Variants in LPP observed in about 807,000 individuals in gnomAD.
LPP encodes LIM domain containing preferred translocation partner in lipoma.
In LPP, 38 loss-of-function variants were observed where a neutral mutation model predicts 60.4. That is an observed-to-expected ratio of 0.63 (90% CI 0.49 to 0.83). The LOEUF (loss-of-function observed/expected upper bound fraction) is 0.83, where lower values mean the gene tolerates loss of function less well. Ranked by LOEUF, LPP falls within the 40% of genes least tolerant of loss-of-function variation. LPP has a pLI of 0.00. For synonymous variants in LPP, 328 were observed against 290.8 expected, an observed-to-expected ratio of 1.13 and a Z score of -1.30; for missense variants, 902 against 783.6, an observed-to-expected ratio of 1.15 and a Z score of -1.80.
rs73058714 is a variant in LPP, at chr3:188,692,190, C to T, written c.1114-16077C>T. 8.9e-3 allele frequency among the ~76,000 whole-genome samples: 1,352 copies of T among 152,296 alleles called. 29 individuals carry two copies. The highest frequency in any genetic ancestry group is 0.031 in the African/African-American group (1,309 of 41,556). On this transcript the variant is annotated intron_variant, in intron 7 of 11. Coordinates refer to ENST00000617246, the MANE Select transcript of LPP (RefSeq NM_001375462.1). Reference sequence around the variant, plus strand: ...TCATTTTCTTCAGCCTCTATAGAGCCTGCTATGCCAGGGTCCTGGGTAATC... The same window carrying T: ...TCATTTTCTTCAGCCTCTATAGAGCTTGCTATGCCAGGGTCCTGGGTAATC...
intron 4 of LPP, among the ~76,000 whole-genome samples, chr3:188,417,966 C>A (rs568751148): frequency 1.3e-5 from 2 of 152,214 alleles, no homozygotes; most frequent in East Asian, 3.9e-4. Flanking sequence ...CCTGAGAAAA[C>A]AGGAAGCAAT....
chr3:188,367,175 C>A (rs959702546), intron 3 of LPP, among the ~76,000 whole-genome samples: 1 of 151,906 alleles, frequency 6.6e-6, no homozygotes, highest in Non-Finnish European at 1.5e-5. Flanking sequence ...GGATTACAGG[C>A]GTGAGCCACT....
At chr3:188,590,982 T>C (rs928840681) in intron 6 of LPP, among the ~76,000 whole-genome samples, 6 of 152,210 alleles carry the variant, frequency 3.9e-5, no homozygotes, top group African/African-American at 1.2e-4. Context: ...GTGAAATAAA[T>C]ACAGTGGAGC....
At chr3:188,533,480 C>T (rs1219463383) in intron 6 of LPP, among the ~76,000 whole-genome samples, 2 of 152,136 alleles carry the variant, frequency 1.3e-5, no homozygotes, top group African/African-American at 4.8e-5. Context: ...GTGGCATCTT[C>T]CTCCTCCTAT....
intron 3 of LPP, among the ~76,000 whole-genome samples, chr3:188,391,290 C>T (rs1450172658): frequency 6.6e-6 from 1 of 152,186 alleles, no homozygotes; most frequent in Non-Finnish European, 1.5e-5. Context: ...TGTAGCATGC[C>T]TCTTCCCCCT....
In LPP at chr3:188,802,507, G is replaced by A. The variant is rs774801992; in HGVS notation, c.1410+42225G>A. Among the ~76,000 whole-genome samples, 7 of 152,296 alleles carry A rather than the reference G, an allele frequency of 4.6e-5. No individual in the cohort carries two copies. The East Asian group carries it at 9.7e-4, about 21-fold the overall frequency. Reference sequence around the variant, plus strand: ...AAAAAATAATAGCTTTAATGGCTGGGCACGGTGGCTCACGCCTGTAATCCC... The same window carrying A: ...AAAAAATAATAGCTTTAATGGCTGGACACGGTGGCTCACGCCTGTAATCCC... On this transcript the variant is annotated intron_variant, in intron 9 of 11. Transcript: ENST00000617246.
At chr3:188,256,581 A>G (rs914457458) in intron 2 of LPP, among the ~76,000 whole-genome samples, 1 of 152,164 alleles carries the variant, frequency 6.6e-6, no homozygotes, top group South Asian at 2.1e-4. Flanking sequence ...ACATTTTCTG[A>G]AGATAAATTA....
chr3:188,698,754 A>G (rs924110140), intron 7 of LPP, among the ~76,000 whole-genome samples: 4 of 152,124 alleles, frequency 2.6e-5, no homozygotes, highest in Admixed American at 2.0e-4. Flanking sequence ...TTACTTTACT[A>G]TTTGTCTTTT....
At chr3:188,353,223 T>G (rs1413110766) in intron 3 of LPP, among the ~76,000 whole-genome samples, 6 of 152,206 alleles carry the variant, frequency 3.9e-5, no homozygotes, top group Admixed American at 2.0e-4. Flanking sequence ...CTTTCTCCCT[T>G]CCACTTTTTA....
chr3:188,719,749 C>G (rs1024480482), intron 8 of LPP, among the ~76,000 whole-genome samples: 1 of 152,174 alleles, frequency 6.6e-6, no homozygotes, highest in Non-Finnish European at 1.5e-5. Context: ...ATCATTCCCC[C>G]AACCTGCACT....
At chr3:188,253,466 C>G (rs6771603) in intron 2 of LPP, among the ~76,000 whole-genome samples, 145,376 of 152,266 alleles carry the variant, frequency 0.95, 69,478 homozygotes, top group East Asian at 1. Flanking sequence ...TGGTTATCTG[C>G]TGTCTCAACA....
At chr3:188,749,067 A>G (rs369618226) in intron 8 of LPP, among the ~76,000 whole-genome samples, 69 of 152,304 alleles carry the variant, frequency 4.5e-4, no homozygotes, top group African/African-American at 1.6e-3. Context: ...TACTGGTTGC[A>G]ATTGTAATGG....
intron 2 of LPP, among the ~76,000 whole-genome samples, chr3:188,311,204 C>G (rs1272675172): frequency 1.3e-5 from 2 of 151,918 alleles, no homozygotes; most frequent in African/African-American, 2.4e-5. Context: ...CTCTCTCTCT[C>G]TGTCTACTGT....
At chr3:188,191,001 G>T (rs1477141259) in intron 1 of LPP, among the ~76,000 whole-genome samples, 1 of 152,234 alleles carries the variant, frequency 6.6e-6, no homozygotes. Flanking sequence ...GGGGGCCGAG[G>T]CAGGTGGATC....
chr3:188,297,269 C>T (rs927323301), intron 2 of LPP, among the ~76,000 whole-genome samples: 4 of 152,160 alleles, frequency 2.6e-5, no homozygotes, highest in Non-Finnish European at 4.4e-5. Context: ...GCCCCCACTT[C>T]GGAAATAACA....
chr3:188,280,421 G>A (rs779179500), intron 2 of LPP, among the ~76,000 whole-genome samples: 1 of 152,152 alleles, frequency 6.6e-6, no homozygotes, highest in African/African-American at 2.4e-5. Context: ...CATGGACCAC[G>A]AATGCCGCAT....
At chr3:188,291,382 G>A (rs1745874966) in intron 2 of LPP, among the ~76,000 whole-genome samples, 1 of 152,166 alleles carries the variant, frequency 6.6e-6, no homozygotes, top group African/African-American at 2.4e-5. Flanking sequence ...GCTCTCGCCT[G>A]TAATCCCAGC....
chr3:188,406,048 G>T (rs545870937), intron 3 of LPP, 64 bp from the exon 4 acceptor site: 29 of 1,384,484 alleles, frequency 2.1e-5, no homozygotes, highest in Non-Finnish European at 2.9e-5. Flanking sequence ...AAATAGCAAT[G>T]AAATGAGGAG....
Position 188,809,769 on chromosome 3 carries a change from G to A in LPP, c.1410+49487G>A, listed in dbSNP as rs374341963. 4.6e-5 allele frequency among the ~76,000 whole-genome samples: 7 copies of A among 152,252 alleles called. 2 individuals are homozygous for A. ...AAATCTTTGCCCATGCCTATGTCCT[G>A]AATGGTATTGTGTAAGTTTTCTTCT... On this transcript the variant is annotated intron_variant, in intron 9 of 11. Transcript: ENST00000617246.
Sources: gnomAD v4.1 joint callset for allele counts (sites outside exome capture counted in the v4.1 genomes callset) on GRCh38, gnomAD v4.1.1 for gene constraint, MANE v1.5 for transcripts, NCBI Gene and HGNC (gene_info 2026-07-23, HGNC 2026-07-21) for gene names.